ERC2: variants seen among roughly 807,000 people sequenced by gnomAD.
The protein encoded by ERC2 is ELKS/RAB6-interacting/CAST family member 2.
ERC2 carries 42 observed loss-of-function variants against 114.8 expected under a neutral mutation model. The ratio of observed to expected loss-of-function variants is 0.37; its 90% CI spans 0.29 to 0.47. ERC2 has a LOEUF of 0.47. Ranked by LOEUF, ERC2 falls within the 20% of genes least tolerant of loss-of-function variation. The pLI is 0.99. For missense variants in ERC2, 939 were observed against 1,150.7 expected, an observed-to-expected ratio of 0.82 and a Z score of 2.66; for synonymous variants, 454 against 425.5, an observed-to-expected ratio of 1.07 and a Z score of -0.82.
chr3:55,991,966 T>G (rs1437434065), intron 11 of ERC2, 91 bp downstream of exon 11: 5 of 1,102,204 alleles, frequency 4.5e-6, no homozygotes, highest in Non-Finnish European at 5.3e-6. Flanking sequence ...GTAATATGAA[T>G]GTACAGTCCA....
intron 14 of ERC2, among the ~76,000 whole-genome samples, chr3:55,753,951 G>A (rs2066886203): frequency 6.6e-6 from 1 of 152,084 alleles, no homozygotes; most frequent in South Asian, 2.1e-4. Flanking sequence ...TTGAATCTCA[G>A]TTTCTTCATC....
At chr3:55,682,427 T>C (rs1412931016) in intron 17 of ERC2, among the ~76,000 whole-genome samples, 3 of 152,170 alleles carry the variant, frequency 2.0e-5, no homozygotes, top group Admixed American at 1.3e-4. Context: ...ACATCTTTAC[T>C]ATGTAGAAAG....
chr3:56,278,052 C>G (rs969038872), intron 3 of ERC2, among the ~76,000 whole-genome samples: 4 of 152,112 alleles, frequency 2.6e-5, no homozygotes, highest in Non-Finnish European at 4.4e-5. Flanking sequence ...CTCAGCTTTA[C>G]CAGGGTTGTT....
chr3:56,072,421 A>T (rs1453451721), intron 7 of ERC2: 1 of 152,204 alleles, frequency 6.6e-6, no homozygotes, highest in Non-Finnish European at 1.5e-5. Context: ...CCAACACAAA[A>T]TACATATAAA....
At chr3:56,113,378 T>C (rs1052961780) in intron 6 of ERC2, among the ~76,000 whole-genome samples, 1 of 152,144 alleles carries the variant, frequency 6.6e-6, no homozygotes, top group African/African-American at 2.4e-5. Context: ...GGAGCATCAG[T>C]CCCTGCTGAC....
At chr3:56,204,954 A>G (rs375419794) in intron 3 of ERC2, among the ~76,000 whole-genome samples, 10 of 135,682 alleles carry the variant, frequency 7.4e-5, no homozygotes, top group African/African-American at 2.7e-4. Flanking sequence ...GTGTGTGTGT[A>G]TGTCTGTCTG....
At chr3:55,916,101 A>G (rs11705830) in intron 13 of ERC2, among the ~76,000 whole-genome samples, 89,105 of 151,992 alleles carry the variant, frequency 0.59, 27,048 homozygotes, top group Non-Finnish European at 0.64. Context: ...GAGGAGTGCT[A>G]AGTCCTTCAA....
chr3:56,209,331 T>C (rs568824072), intron 3 of ERC2, among the ~76,000 whole-genome samples: 93 of 152,234 alleles, frequency 6.1e-4, no homozygotes, highest in Admixed American at 2.2e-3. Flanking sequence ...TTGCTTGACC[T>C]CCCAGACTAG....
chr3:56,299,655 C>G (rs1365506112), intron 2 of ERC2, among the ~76,000 whole-genome samples: 1 of 151,950 alleles, frequency 6.6e-6, no homozygotes. Flanking sequence ...GTCTCAAACT[C>G]CTGAGCTCAA....
intron 14 of ERC2, among the ~76,000 whole-genome samples, chr3:55,886,126 A>G (rs535077342): frequency 2.6e-5 from 4 of 152,342 alleles, no homozygotes; most frequent in South Asian, 2.1e-4. Flanking sequence ...CATAACACAC[A>G]GGGAGGAAGA....
intron 14 of ERC2, among the ~76,000 whole-genome samples, chr3:55,853,260 C>T (rs755242604): frequency 6.6e-6 from 1 of 152,188 alleles, no homozygotes; most frequent in Non-Finnish European, 1.5e-5. Context: ...GGTGTGGTGG[C>T]TCATGCCTGT....
At chr3:55,765,360 T>A (rs555265634) in intron 14 of ERC2, among the ~76,000 whole-genome samples, 3 of 152,316 alleles carry the variant, frequency 2.0e-5, no homozygotes, top group East Asian at 3.9e-4. Flanking sequence ...CCCATCCATC[T>A]CCAGCCATTG....
Position 56,333,617 on chromosome 3 carries a change from A to G in ERC2, c.658-37182T>C, listed in dbSNP as rs183931604. 2.5e-3 allele frequency among the ~76,000 whole-genome samples: 383 copies of G among 152,356 alleles called. 3 individuals carry two copies. Among genetic ancestry groups the G allele is most frequent in the African/African-American group, 8.9e-3 (372 of 41,590 alleles). The stretch of plus-strand genomic sequence containing the variant: ...ACAAAGACACTCCAAAATGCTAAGT[A>G]GCAAACCAAGATGCTACCTCTGGCT... On this transcript the variant is annotated intron_variant, in intron 2 of 17. Transcript: ENST00000288221.
In ERC2 at chr3:56,182,496, T is replaced by C. The variant is rs540226564; in HGVS notation, c.1075-8976A>G. ...ACTAACAGTTACTTACACATTGCTA[T>C]GCGCTAAGCACTCTTTTAAGTATTT... On this transcript the variant is annotated intron_variant, in intron 3 of 17. Coordinates refer to ENST00000288221, the MANE Select transcript of ERC2 (RefSeq NM_015576.3). Among the ~76,000 whole-genome samples the C allele has an allele frequency of 2.6e-5, 4 of 152,392 alleles. No individual in the cohort carries two copies. The South Asian group carries it at 8.3e-4, about 32-fold the overall frequency.
At chr3:56,024,345 G>T (rs1210263281) in intron 7 of ERC2, among the ~76,000 whole-genome samples, 2 of 152,186 alleles carry the variant, frequency 1.3e-5, no homozygotes, top group African/African-American at 4.8e-5. Context: ...GTTCTCTTTG[G>T]CCGCAGCACC....
chr3:55,979,948 CT>C (rs1365563396), intron 12 of ERC2, among the ~76,000 whole-genome samples: 1 of 143,414 alleles, frequency 7.0e-6, no homozygotes, highest in Admixed American at 6.9e-5. Context: ...ATCTCTTCTT[CT>C]TTTTTTTTCT....
intron 17 of ERC2, among the ~76,000 whole-genome samples, chr3:55,678,096 AG>A (rs1400160090): frequency 6.6e-6 from 1 of 152,210 alleles, no homozygotes; most frequent in Non-Finnish European, 1.5e-5. Flanking sequence ...CTTCCAGAGG[AG>A]TAGAAGAGCA....
intron 3 of ERC2, among the ~76,000 whole-genome samples, chr3:56,220,642 A>G (rs73080543): frequency 0.015 from 2,227 of 152,342 alleles, 21 homozygotes; most frequent in Non-Finnish European, 0.023. Flanking sequence ...CGCTGGCTCC[A>G]CTGCAATTGT....
At chr3:55,968,957 C>T (rs567117858) in intron 12 of ERC2, among the ~76,000 whole-genome samples, 5 of 152,198 alleles carry the variant, frequency 3.3e-5, no homozygotes, top group African/African-American at 9.6e-5. Flanking sequence ...CTATTCTACT[C>T]GGAATCCAGG....
Sources: allele counts gnomAD v4.1 joint callset (sites outside exome capture counted in the v4.1 genomes callset), GRCh38; gene constraint gnomAD v4.1.1; transcripts MANE v1.5; gene names NCBI Gene and HGNC (gene_info 2026-07-23, HGNC 2026-07-21).